Variants in THSD4 observed in about 807,000 individuals in gnomAD.
The protein encoded by THSD4 is thrombospondin type-1 domain-containing protein 4.
A neutral mutation model predicts 119.0 loss-of-function variants in THSD4; 69 were observed. That is an observed-to-expected ratio of 0.58 (90% CI 0.48 to 0.71). The LOEUF (loss-of-function observed/expected upper bound fraction) is 0.71. THSD4 is among the 30% of genes least tolerant of loss of function. The pLI, the probability that THSD4 is intolerant of heterozygous loss-of-function variation, is 0.00. For missense variants in THSD4, 1,393 were observed against 1,391.1 expected, an observed-to-expected ratio of 1.00 and a Z score of -0.02; for synonymous variants, 524 against 540.4, an observed-to-expected ratio of 0.97 and a Z score of 0.42.
intron 11 of THSD4, among the ~76,000 whole-genome samples, chr15:71,739,337 C>G (rs190555015): frequency 6.6e-6 from 1 of 152,218 alleles, no homozygotes; most frequent in East Asian, 1.9e-4. Flanking sequence ...TCTCTCCAAA[C>G]AAAAGAAAAG....
intron 6 of THSD4, among the ~76,000 whole-genome samples, chr15:71,292,201 G>A (rs1052723375): frequency 4.6e-5 from 7 of 152,066 alleles, no homozygotes; most frequent in Admixed American, 1.3e-4. Flanking sequence ...TGTTTTGTGT[G>A]TGATTGAATT....
intron 11 of THSD4, among the ~76,000 whole-genome samples, chr15:71,744,558 A>G (rs2053298659): frequency 6.6e-6 from 1 of 152,158 alleles, no homozygotes; most frequent in Non-Finnish European, 1.5e-5. Flanking sequence ...CCTTAAATGT[A>G]CCTGGTGTAG....
chr15:71,525,623 G>A (rs1160237151), intron 7 of THSD4, among the ~76,000 whole-genome samples: 1 of 152,212 alleles, frequency 6.6e-6, no homozygotes, highest in African/African-American at 2.4e-5. Flanking sequence ...CAAGTAATGA[G>A]TTAGAAATAA....
chr15:71,320,038 A>G (rs1266121415), intron 6 of THSD4, among the ~76,000 whole-genome samples: 1 of 152,154 alleles, frequency 6.6e-6, no homozygotes, highest in African/African-American at 2.4e-5. Flanking sequence ...CTTGGCACTA[A>G]CATTCTTGAA....
At chr15:71,139,708 G>A (rs543321186) in intron 1 of THSD4, among the ~76,000 whole-genome samples, 1 of 152,332 alleles carries the variant, frequency 6.6e-6, no homozygotes, top group East Asian at 1.9e-4. Flanking sequence ...TGGTTCTCAT[G>A]ACTATCTTTT....
chr15:71,647,157 C>T (rs1034130990), intron 7 of THSD4, among the ~76,000 whole-genome samples: 5 of 152,138 alleles, frequency 3.3e-5, no homozygotes, highest in African/African-American at 7.2e-5. Flanking sequence ...GGTGAAGGAT[C>T]GGTGTTTTTC....
chr15:71,401,859 C>T (rs1029749104), intron 6 of THSD4, among the ~76,000 whole-genome samples: 2 of 152,140 alleles, frequency 1.3e-5, no homozygotes, highest in African/African-American at 4.8e-5. Context: ...ACCCAAATGT[C>T]CATCAATGAT....
intron 8 of THSD4, among the ~76,000 whole-genome samples, chr15:71,682,855 ACTTTCTTTCTTTCTTTCTTTCTTTCTTT>A (rs58309087): frequency 0.067 from 7,334 of 108,770 alleles, 654 homozygotes; most frequent in East Asian, 0.13. Context: ...CTCTTTTGCT[ACTTTCTTTCTTTCTTTCTTTCTTTCTTT>A]CTTTCTTTCT....
intron 4 of THSD4, among the ~76,000 whole-genome samples, chr15:71,216,891 G>A (rs1360287214): frequency 1.2e-4 from 18 of 152,130 alleles, no homozygotes; most frequent in African/African-American, 4.3e-4. Flanking sequence ...TCCAACTCCG[G>A]GTTCAAGCTA....
At chr15:71,729,256 A>T (rs796136254) in intron 9 of THSD4, 6 of 154,030 alleles carry the variant, frequency 3.9e-5, no homozygotes, top group African/African-American at 1.4e-4. Flanking sequence ...GCTTCATAGA[A>T]GACAAAACCT....
At chr15:71,575,890 A>G (rs1401356400) in intron 7 of THSD4, among the ~76,000 whole-genome samples, 1 of 152,238 alleles carries the variant, frequency 6.6e-6, no homozygotes, top group Non-Finnish European at 1.5e-5. Flanking sequence ...GATACTTACA[A>G]TCTAGGTCAG....
chr15:71,706,373 TGTTTG>T (rs1250084620), intron 8 of THSD4, among the ~76,000 whole-genome samples: 1 of 152,094 alleles, frequency 6.6e-6, no homozygotes, highest in Non-Finnish European at 1.5e-5. Flanking sequence ...AAAAATGGTG[TGTTTG>T]GTTTGGGACA....
At chr15:71,439,952 T>C (rs1474690348) in intron 7 of THSD4, among the ~76,000 whole-genome samples, 11 of 152,104 alleles carry the variant, frequency 7.2e-5, no homozygotes. Context: ...CACCATGGCA[T>C]GTGTATACCT....
chr15:71,267,675 A>G (rs914224219), intron 6 of THSD4, among the ~76,000 whole-genome samples: 1 of 152,212 alleles, frequency 6.6e-6, no homozygotes, highest in Non-Finnish European at 1.5e-5. Flanking sequence ...GGCAAATTGG[A>G]TAGAGACAAG....
chr15:71,713,587 A>G (rs948752303), intron 8 of THSD4, among the ~76,000 whole-genome samples: 2 of 152,130 alleles, frequency 1.3e-5, no homozygotes, highest in East Asian at 1.9e-4. Flanking sequence ...ATATTTCACA[A>G]TCCCCTCCCA....
intron 6 of THSD4, among the ~76,000 whole-genome samples, chr15:71,394,749 C>T (rs984597146): frequency 2.6e-5 from 4 of 152,224 alleles, no homozygotes; most frequent in Non-Finnish European, 5.9e-5. Flanking sequence ...TGGACTAAGT[C>T]GTTTCTCTAT....
chr15:71,433,606 A>G (rs2046969645), intron 7 of THSD4, among the ~76,000 whole-genome samples: 1 of 152,078 alleles, frequency 6.6e-6, no homozygotes, highest in African/African-American at 2.4e-5. Context: ...GGTCGCAGGT[A>G]CTCATTGGGC....
chr15:71,661,399 T>TA lies in THSD4; in HGVS notation c.1357+665_1357+666insA, dbSNP rs202112737. Among the ~76,000 whole-genome samples, 231 of 113,490 alleles carry TA rather than the reference T, an allele frequency of 2.0e-3. 1 individual carries two copies. Among genetic ancestry groups the TA allele is most frequent in the East Asian group, 4.8e-3 (9 of 1,890 alleles). The allele number at this position is 113,490 out of a possible 152,430, so 74.5% of individuals were successfully genotyped here. The stretch of plus-strand genomic sequence containing the variant: ...CCAATCGAACACATTATTTATTTAT[T>TA]TATTTTTTTTTTTTGAGACAGAATC... On this transcript the variant is annotated intron_variant, in intron 8 of 17. Transcript: ENST00000261862.
chr15:71,302,806 C>T (rs2044970354), intron 6 of THSD4, among the ~76,000 whole-genome samples: 1 of 151,948 alleles, frequency 6.6e-6, no homozygotes, highest in South Asian at 2.1e-4. Flanking sequence ...TACACACCTT[C>T]CCCCTTCTTC....
Sources: gnomAD v4.1 joint callset for allele counts (sites outside exome capture counted in the v4.1 genomes callset) on GRCh38, gnomAD v4.1.1 for gene constraint, MANE v1.5 for transcripts, NCBI Gene and HGNC (gene_info 2026-07-23, HGNC 2026-07-21) for gene names.